The following ROCK2 variants were observed in gnomAD, a reference collection of about 807,000 sequenced individuals.
ROCK2 encodes Rho associated coiled-coil containing protein kinase 2, also known as rho-associated protein kinase 2.
In ROCK2, 61 loss-of-function variants were observed where a neutral mutation model predicts 195.1. The observed-to-expected ratio is 0.31, with a 90% CI of 0.25 to 0.39. The LOEUF (loss-of-function observed/expected upper bound fraction) is 0.39, where lower values mean the gene tolerates loss of function less well. ROCK2 is among the 10% of genes least tolerant of loss of function. The pLI is 1.00. For synonymous variants in ROCK2, 504 were observed against 545.5 expected (o/e 0.92, Z 1.06); for missense variants, 1,109 against 1,637.4 (o/e 0.68, Z 5.57).
Position 11,308,307 on chromosome 2 carries a change from C to A in ROCK2, c.142-20571G>T, listed in dbSNP as rs1667926741. 48 of 1,112,282 alleles carry A rather than the reference C, an allele frequency of 4.3e-5. No individual in the cohort carries two copies. The South Asian group carries it at 5.7e-4, about 13-fold the overall frequency. The allele number at this position is 1,112,282 out of a possible 1,614,324, so 68.9% of individuals were successfully genotyped here. ...TTGGAGAACCTGAAGAAGCTAGAAC[C>A]AATCCTAAAGAATATTCTTACATAT... On this transcript the variant is annotated intron_variant, in intron 1 of 32. Coordinates refer to ENST00000315872, the MANE Select transcript of ROCK2 (RefSeq NM_004850.5).
intron 6 of ROCK2, among the ~76,000 whole-genome samples, chr2:11,225,045 G>T (rs1664765822): frequency 1.3e-5 from 2 of 152,206 alleles, no homozygotes; most frequent in Admixed American, 1.3e-4. Context: ...CAGGGCTGCT[G>T]CAAGAGTTAA....
intron 1 of ROCK2, among the ~76,000 whole-genome samples, chr2:11,334,690 C>T (rs956130751): frequency 7.1e-6 from 1 of 140,070 alleles, no homozygotes; most frequent in African/African-American, 2.4e-5. Flanking sequence ...TCAACACAAT[C>T]ATGCAGGTAA....
At chr2:11,259,102 T>A (rs1666135085) in intron 3 of ROCK2, among the ~76,000 whole-genome samples, 1 of 151,340 alleles carries the variant, frequency 6.6e-6, no homozygotes, top group South Asian at 2.1e-4. Flanking sequence ...AGATTTAGGC[T>A]TCACTACATA....
chr2:11,241,853 A>G lies in ROCK2; in HGVS notation c.463-5891T>C, dbSNP rs75769105. 1.6e-4 allele frequency among the ~76,000 whole-genome samples: 25 copies of G among 152,268 alleles called. No homozygotes were observed. The East Asian group carries it at 4.6e-3, about 28-fold the overall frequency. On this transcript the variant is annotated intron_variant, in intron 4 of 32. Coordinates refer to ENST00000315872, the MANE Select transcript of ROCK2 (RefSeq NM_004850.5). Reference sequence around the variant, plus strand: ...ATGACGGTATAACACCGTCATCCTAAGGTGATGGTATTAGGAGAAGGGGCT... The same window carrying G: ...ATGACGGTATAACACCGTCATCCTAGGGTGATGGTATTAGGAGAAGGGGCT...
chr2:11,189,112 A>G (rs1159534143), intron 32 of ROCK2, among the ~76,000 whole-genome samples: 1 of 152,132 alleles, frequency 6.6e-6, no homozygotes, highest in Non-Finnish European at 1.5e-5. Flanking sequence ...GACACAGAGG[A>G]AAAGTTACCA....
chr2:11,324,701 G>T (rs1290343173), intron 1 of ROCK2, among the ~76,000 whole-genome samples: 1 of 152,202 alleles, frequency 6.6e-6, no homozygotes, highest in African/African-American at 2.4e-5. Flanking sequence ...TTATTTTCAT[G>T]GCACTGGAAA....
intron 1 of ROCK2, among the ~76,000 whole-genome samples, chr2:11,291,419 G>A (rs770618020): frequency 2.2e-4 from 34 of 152,118 alleles, no homozygotes; most frequent in Non-Finnish European, 4.4e-4. Flanking sequence ...GCGTGGTGGC[G>A]CAAGCCTGTG....
chr2:11,195,661 C>T (rs1387762641), intron 27 of ROCK2, among the ~76,000 whole-genome samples: 5 of 152,020 alleles, frequency 3.3e-5, no homozygotes, highest in African/African-American at 9.7e-5. Flanking sequence ...ATTACAGGCA[C>T]GCGCCAGCAC....
intron 3 of ROCK2, among the ~76,000 whole-genome samples, chr2:11,253,048 T>A (rs554798994): frequency 6.6e-6 from 1 of 151,802 alleles, no homozygotes; most frequent in Admixed American, 6.6e-5. Flanking sequence ...ACAATTAGGA[T>A]GATTTTACCA....
intron 1 of ROCK2, among the ~76,000 whole-genome samples, chr2:11,342,369 T>C (rs1360538219): frequency 6.6e-6 from 1 of 152,220 alleles, no homozygotes; most frequent in Non-Finnish European, 1.5e-5. Flanking sequence ...TCCATTTTAA[T>C]AATTTGGAAA....
rs1460380532 is a variant in ROCK2, at chr2:11,180,704, AT to A, written c.*2732del. On this transcript the variant is annotated 3_prime_UTR_variant, in exon 33 of 33. Coordinates refer to ENST00000315872, the MANE Select transcript of ROCK2 (RefSeq NM_004850.5). ...AAATCAGGTGTGAAGGAACAAGCAA[AT>A]TTTAGTCTTATATTTATCTTGGAAG... 3 of 152,306 alleles carry A rather than the reference AT, an allele frequency of 2.0e-5. No individual in the cohort carries two copies. The highest frequency in any genetic ancestry group is 7.2e-5 in the African/African-American group (3 of 41,564). 9.4% of individuals were successfully genotyped at this position (152,306 alleles called of 1,614,324 possible). A position where few individuals can be genotyped will look rare whatever the true frequency, so the allele number is the denominator to read the frequency against.
At chr2:11,186,216 C>T (rs1663192951) in intron 32 of ROCK2, among the ~76,000 whole-genome samples, 1 of 152,202 alleles carries the variant, frequency 6.6e-6, no homozygotes. Context: ...GGCACACACT[C>T]ACTTCTCTAG....
chr2:11,185,563 T>C (rs1440639774), intron 32 of ROCK2, among the ~76,000 whole-genome samples: 1 of 152,086 alleles, frequency 6.6e-6, no homozygotes, highest in African/African-American at 2.4e-5. Flanking sequence ...ACCATGTCTC[T>C]ACTAAAAATA....
At chr2:11,222,005 C>T (rs1287617008) in intron 8 of ROCK2, 78 bp downstream of exon 8, 3 of 821,570 alleles carry the variant, frequency 3.7e-6, no homozygotes, top group East Asian at 2.5e-5. Flanking sequence ...ATCAAATATG[C>T]TTGTTATTTC....
intron 8 of ROCK2, 101 bp downstream of exon 8, chr2:11,221,982 A>G (rs1248122355): frequency 3.1e-6 from 2 of 649,964 alleles, no homozygotes; most frequent in Non-Finnish European, 5.4e-6. Context: ...AAAATGAGTT[A>G]GCATTAAGTG....
rs1256211603 is a variant in ROCK2 at position 11,193,772 on chromosome 2, T to A, written c.3687+7A>T. 3 of 1,546,968 alleles carry A rather than the reference T, an allele frequency of 1.9e-6. No individual in the cohort carries two copies. Among genetic ancestry groups the A allele is most frequent in the Admixed American group, 3.6e-5 (2 of 55,368 alleles). On this transcript the variant is annotated splice_region_variant and intron_variant, in intron 30 of 32. Coordinates refer to ENST00000315872, the MANE Select transcript of ROCK2 (RefSeq NM_004850.5). ...AACCAACCAAATATAAACAAAACTA[T>A]GTTTACCTGGAATATCCTTGGAATT... is the stretch of plus-strand genomic sequence containing the variant.
chr2:11,269,576 C>T (rs1180554954), intron 3 of ROCK2, among the ~76,000 whole-genome samples: 3 of 151,702 alleles, frequency 2.0e-5, no homozygotes, highest in Non-Finnish European at 2.9e-5. Context: ...TTTTCAAGGA[C>T]GGTTTCTTTT....
At chr2:11,215,249 T>A in intron 15 of ROCK2, 72 bp downstream of exon 15, 1 of 1,415,720 alleles carries the variant, frequency 7.1e-7, no homozygotes, top group Non-Finnish European at 9.6e-7. Flanking sequence ...TTTGCAACAC[T>A]GTCAATTAAA....
chr2:11,187,417 A>T (rs547716082), intron 32 of ROCK2, among the ~76,000 whole-genome samples: 24 of 152,282 alleles, frequency 1.6e-4, no homozygotes, highest in African/African-American at 5.1e-4. Context: ...ATCAGATTTT[A>T]AAAAATTGTA....
Sources: gnomAD v4.1 joint callset for allele counts (sites outside exome capture counted in the v4.1 genomes callset) on GRCh38, gnomAD v4.1.1 for gene constraint, MANE v1.5 for transcripts, NCBI Gene and HGNC (gene_info 2026-07-23, HGNC 2026-07-21) for gene names.